The following ZCCHC7 variants were observed in gnomAD, a reference collection of about 807,000 sequenced individuals.
The protein encoded by ZCCHC7 is zinc finger CCHC domain-containing protein 7.
ZCCHC7 carries 35 observed loss-of-function variants against 52.0 expected under a neutral mutation model. That is an observed-to-expected ratio of 0.67 (90% CI 0.51 to 0.89). The LOEUF (loss-of-function observed/expected upper bound fraction) is 0.89, where lower values mean the gene tolerates loss of function less well. Ranked by LOEUF, ZCCHC7 falls within the 40% of genes least tolerant of loss-of-function variation. ZCCHC7 has a pLI of 0.00. For missense variants in ZCCHC7, 574 were observed against 649.1 expected (o/e 0.88, Z 1.26); for synonymous variants, 217 against 221.5 (o/e 0.98, Z 0.18).
intron 2 of ZCCHC7, among the ~76,000 whole-genome samples, chr9:37,183,176 T>C (rs1443589845): frequency 6.6e-6 from 1 of 152,248 alleles, no homozygotes; most frequent in East Asian, 1.9e-4. Context: ...AAATCAGCAG[T>C]AGCTTATGCA....
intron 5 of ZCCHC7, among the ~76,000 whole-genome samples, chr9:37,322,734 T>A (rs1830102191): frequency 6.6e-6 from 1 of 151,364 alleles, no homozygotes; most frequent in Non-Finnish European, 1.5e-5. Context: ...TAATAAAATC[T>A]GTATTTTATT....
chr9:37,246,566 T>C (rs1003636861), intron 2 of ZCCHC7, among the ~76,000 whole-genome samples: 1 of 152,204 alleles, frequency 6.6e-6, no homozygotes, highest in Non-Finnish European at 1.5e-5. Context: ...ACTGGTGTAG[T>C]AAACTCTGGG....
intron 2 of ZCCHC7, among the ~76,000 whole-genome samples, chr9:37,166,914 T>C (rs1324583955): frequency 6.6e-6 from 1 of 152,240 alleles, no homozygotes; most frequent in East Asian, 1.9e-4. Flanking sequence ...ATAAAATACT[T>C]TGTAAAACTT....
intron 6 of ZCCHC7, among the ~76,000 whole-genome samples, chr9:37,348,167 T>C (rs1032449386): frequency 3.3e-5 from 5 of 152,174 alleles, no homozygotes; most frequent in African/African-American, 1.2e-4. Flanking sequence ...TGGAGATCCT[T>C]ACCTAGATAC....
At chr9:37,318,145 A>G (rs890995419) in intron 5 of ZCCHC7, among the ~76,000 whole-genome samples, 3 of 151,958 alleles carry the variant, frequency 2.0e-5, no homozygotes, top group Admixed American at 6.6e-5. Context: ...CAACCCAAAT[A>G]TTTGACGATG....
At chr9:37,195,298 C>T (rs1823233714) in intron 2 of ZCCHC7, among the ~76,000 whole-genome samples, 1 of 152,164 alleles carries the variant, frequency 6.6e-6, no homozygotes, top group African/African-American at 2.4e-5. Context: ...CATCCCTTTG[C>T]ACACCTAAAT....
At chr9:37,143,241 A>G (rs1348509242) in intron 2 of ZCCHC7, among the ~76,000 whole-genome samples, 2 of 151,738 alleles carry the variant, frequency 1.3e-5, no homozygotes, top group Non-Finnish European at 3.0e-5. Flanking sequence ...TTTAAAACTG[A>G]ATGGCTAAAC....
At chr9:37,130,492 A>ATT (rs752923921) in intron 2 of ZCCHC7, among the ~76,000 whole-genome samples, 8 of 129,950 alleles carry the variant, frequency 6.2e-5, no homozygotes, top group East Asian at 2.2e-4. Flanking sequence ...TGAAATCTCA[A>ATT]TTTTTTTTTT....
intron 2 of ZCCHC7, among the ~76,000 whole-genome samples, chr9:37,261,662 C>T (rs1380038358): frequency 1.3e-5 from 2 of 152,116 alleles, no homozygotes; most frequent in Admixed American, 6.5e-5. Context: ...AACACTGTGA[C>T]ATGAAAAAGG....
intron 2 of ZCCHC7, among the ~76,000 whole-genome samples, chr9:37,176,230 A>G (rs549607155): frequency 7.2e-5 from 11 of 152,224 alleles, no homozygotes; most frequent in Non-Finnish European, 1.3e-4. Context: ...GCCTGCCACC[A>G]TGCCTGGCTA....
At chr9:37,120,467 G>A (rs1371670468), upstream of ZCCHC7, 4 of 398,200 alleles carry the variant, frequency 1.0e-5, no homozygotes, top group Non-Finnish European at 1.8e-5. Context: ...GGTGGGCGGG[G>A]ACGGAAAGGC....
intron 5 of ZCCHC7, among the ~76,000 whole-genome samples, chr9:37,322,686 G>GA (rs1371551414): frequency 6.7e-6 from 1 of 148,336 alleles, no homozygotes; most frequent in Non-Finnish European, 1.5e-5. Flanking sequence ...TGATGTTTCT[G>GA]AATTTTTTTA....
chr9:37,324,049 A>AT (rs1830149271), intron 5 of ZCCHC7, among the ~76,000 whole-genome samples: 1 of 152,220 alleles, frequency 6.6e-6, no homozygotes, highest in African/African-American at 2.4e-5. Context: ...ATGTGTTTTC[A>AT]TTCAACAATT....
intron 6 of ZCCHC7, among the ~76,000 whole-genome samples, chr9:37,340,838 A>G (rs1277172852): frequency 6.6e-6 from 1 of 152,192 alleles, no homozygotes; most frequent in Non-Finnish European, 1.5e-5. Context: ...ATTAAGCCCT[A>G]GTACATGATA....
intron 2 of ZCCHC7, among the ~76,000 whole-genome samples, chr9:37,164,925 A>G (rs1253434680): frequency 6.6e-6 from 1 of 152,160 alleles, no homozygotes; most frequent in Admixed American, 6.6e-5. Flanking sequence ...GTGGGGGGTG[A>G]ATTGGGATTG....
intron 2 of ZCCHC7, among the ~76,000 whole-genome samples, chr9:37,173,566 C>T (rs1821855712): frequency 6.6e-6 from 1 of 152,118 alleles, no homozygotes; most frequent in Non-Finnish European, 1.5e-5. Context: ...AGAAGCAAAT[C>T]TATTGTATAG....
chr9:37,300,821 C>G (rs184442150), intron 2 of ZCCHC7, among the ~76,000 whole-genome samples: 1 of 152,270 alleles, frequency 6.6e-6, no homozygotes, highest in East Asian at 1.9e-4. Context: ...GTCCCTTCCC[C>G]CTTGGCCATG....
intron 2 of ZCCHC7, among the ~76,000 whole-genome samples, chr9:37,241,255 T>C (rs1825861545): frequency 6.6e-6 from 1 of 151,854 alleles, no homozygotes; most frequent in Admixed American, 6.6e-5. Flanking sequence ...TGGTGTGGTA[T>C]TGACCTGGGT....
chr9:37,227,008 G>A (rs182349729), intron 2 of ZCCHC7, among the ~76,000 whole-genome samples: 3 of 130,158 alleles, frequency 2.3e-5, no homozygotes, highest in Admixed American at 8.5e-5. Flanking sequence ...CAGCCTGGGC[G>A]ACAGAGCGAG....
Sources: gnomAD v4.1 joint callset for allele counts (sites outside exome capture counted in the v4.1 genomes callset) on GRCh38, gnomAD v4.1.1 for gene constraint, MANE v1.5 for transcripts, NCBI Gene and HGNC (gene_info 2026-07-23, HGNC 2026-07-21) for gene names.